The following PCDH15 variants were observed in gnomAD, a reference collection of about 807,000 sequenced individuals.
PCDH15 encodes the protein protocadherin related 15, also known as protocadherin-15.
In PCDH15, 129 loss-of-function variants were observed where a neutral mutation model predicts 178.5. That is an observed-to-expected ratio of 0.72 (90% CI 0.63 to 0.84). The LOEUF (loss-of-function observed/expected upper bound fraction) is 0.84. Among genes scored for constraint, PCDH15 ranks in the 40% least tolerant of loss-of-function variants. The pLI is 0.00. For synonymous variants in PCDH15, 800 were observed against 732.0 expected (o/e 1.09, Z -1.50); for missense variants, 2,230 against 2,099.9 (o/e 1.06, Z -1.21).
At chr10:54,569,793 C>T (rs1353468316) in intron 2 of PCDH15, among the ~76,000 whole-genome samples, 1 of 152,052 alleles carries the variant, frequency 6.6e-6, no homozygotes, top group Non-Finnish European at 1.5e-5. Context: ...AACAGTCTGT[C>T]CTATACATCA....
At chr10:53,815,326 C>T (rs1352908658) in intron 35 of PCDH15, among the ~76,000 whole-genome samples, 1 of 152,136 alleles carries the variant, frequency 6.6e-6, no homozygotes, top group Non-Finnish European at 1.5e-5. Flanking sequence ...AGTTGTTGAG[C>T]TAGGAACTTA....
intron 28 of PCDH15, among the ~76,000 whole-genome samples, chr10:53,842,346 T>G (rs1217850301): frequency 1.3e-5 from 2 of 152,064 alleles, no homozygotes; most frequent in East Asian, 3.9e-4. Flanking sequence ...AACCTCCACC[T>G]CCCGGGTTCA....
intron 2 of PCDH15, among the ~76,000 whole-genome samples, chr10:55,526,848 T>C (rs1008565728): frequency 1.3e-5 from 2 of 152,220 alleles, no homozygotes; most frequent in East Asian, 3.9e-4. Flanking sequence ...ACAAAAGCCA[T>C]ATCATTCAAA....
chr10:54,185,341 A>T (rs1194959279), intron 11 of PCDH15, 73 bp from the exon 12 acceptor site: 2 of 1,555,752 alleles, frequency 1.3e-6, no homozygotes, highest in Non-Finnish European at 1.8e-6. Context: ...CTAGAAGTTA[A>T]TGTTTGAAAT....
chr10:55,373,618 C>T (rs999136326), intron 2 of PCDH15, among the ~76,000 whole-genome samples: 1 of 151,840 alleles, frequency 6.6e-6, no homozygotes, highest in Non-Finnish European at 1.5e-5. Context: ...CATGTTAGTG[C>T]GAGATCAGAG....
chr10:54,621,877 G>A (rs1178440749), intron 2 of PCDH15, among the ~76,000 whole-genome samples: 3 of 152,046 alleles, frequency 2.0e-5, no homozygotes, highest in Non-Finnish European at 4.4e-5. Flanking sequence ...TTGTAAAGGG[G>A]AAGAAACATT....
rs573936335 is a variant in PCDH15, at chr10:55,077,009, C to T, written c.-80+89567G>A. On this transcript the variant is annotated intron_variant, in intron 2 of 5. Coordinates refer to the PCDH15 transcript ENST00000458638. ...GTCTCAAATTCCTAACCTCGTGATC[C>T]GCCCGCCTCAGCCTCCCAAAGTGCT... Among the ~76,000 whole-genome samples the T allele has an allele frequency of 3.2e-4, 49 of 151,882 alleles. 1 individual carries two copies. The South Asian group carries it at 6.4e-3, about 20-fold the overall frequency.
chr10:54,600,135 G>T, intron 2 of PCDH15: 1 of 786,950 alleles, frequency 1.3e-6, no homozygotes, highest in East Asian at 2.9e-5. Context: ...CAGAGAAGAA[G>T]AAAGCTGAGT....
At chr10:54,285,262 A>G (rs1434921818) in intron 8 of PCDH15, among the ~76,000 whole-genome samples, 4 of 152,006 alleles carry the variant, frequency 2.6e-5, no homozygotes, top group African/African-American at 7.2e-5. Context: ...AACAGAAAAA[A>G]AAAACAATCA....
At chr10:54,229,333 A>T (rs1026629523) in intron 9 of PCDH15, among the ~76,000 whole-genome samples, 1 of 152,256 alleles carries the variant, frequency 6.6e-6, no homozygotes, top group Non-Finnish European at 1.5e-5. Flanking sequence ...TGAAAATTTA[A>T]TGACTGATAA....
chr10:55,005,107 C>T lies in PCDH15; in HGVS notation c.-79-107607G>A, dbSNP rs115944479. ...ATGAATGGAGCGAGGGGTGATGGTA[C>T]GTTCCTGTAGTCCCAGCTACGTGAA... On this transcript the variant is annotated intron_variant, in intron 2 of 5. Coordinates refer to the PCDH15 transcript ENST00000458638. Among the ~76,000 whole-genome samples, 1,320 of 151,570 alleles carry T rather than the reference C, an allele frequency of 8.7e-3. 16 individuals carry two copies. Among genetic ancestry groups the T allele is most frequent in the African/African-American group, 0.03 (1,242 of 41,300 alleles).
chr10:54,053,933 A>T (rs908539368), intron 18 of PCDH15, among the ~76,000 whole-genome samples: 6 of 152,048 alleles, frequency 3.9e-5, no homozygotes, highest in African/African-American at 1.4e-4. Flanking sequence ...TGAGAGAGAG[A>T]ATGTGAGAAA....
intron 20 of PCDH15, among the ~76,000 whole-genome samples, chr10:54,001,311 G>A (rs549990745): frequency 6.6e-6 from 1 of 152,206 alleles, no homozygotes; most frequent in East Asian, 1.9e-4. Context: ...AACTGTGGTG[G>A]TGTATAAAAT....
intron 32 of PCDH15, 145 bp from the exon 33 acceptor site, chr10:53,820,375 G>A: frequency 5.1e-6 from 2 of 389,268 alleles, no homozygotes; most frequent in Non-Finnish European, 9.1e-6. Context: ...TCTGATCTTG[G>A]TAACTAGGAA....
chr10:54,564,698 A>G (rs1282663912), intron 2 of PCDH15, among the ~76,000 whole-genome samples: 1 of 152,132 alleles, frequency 6.6e-6, no homozygotes, highest in East Asian at 1.9e-4. Context: ...AATATTCCCT[A>G]CATCTTAGAG....
intron 15 of PCDH15, among the ~76,000 whole-genome samples, chr10:54,129,640 G>A (rs2042260595): frequency 6.6e-6 from 1 of 152,096 alleles, no homozygotes; most frequent in Non-Finnish European, 1.5e-5. Flanking sequence ...GTGCCTGACC[G>A]CATATTAAGT....
At chr10:55,524,198 A>G (rs1841250725) in intron 2 of PCDH15, among the ~76,000 whole-genome samples, 1 of 151,696 alleles carries the variant, frequency 6.6e-6, no homozygotes, top group Non-Finnish European at 1.5e-5. Context: ...AAGTATATAG[A>G]GTAAATAATT....
chr10:54,509,841 C>T (rs1460202517), intron 3 of PCDH15, among the ~76,000 whole-genome samples: 1 of 152,180 alleles, frequency 6.6e-6, no homozygotes, highest in Non-Finnish European at 1.5e-5. Context: ...TTGTTACCTA[C>T]TATTCATCAA....
chr10:55,255,468 C>T (rs916932933), intron 1 of PCDH15, among the ~76,000 whole-genome samples: 5 of 152,084 alleles, frequency 3.3e-5, no homozygotes, highest in African/African-American at 1.2e-4. Context: ...GTATATACCC[C>T]GTAATGGAAC....
Sources: gnomAD v4.1 joint callset for allele counts (sites outside exome capture counted in the v4.1 genomes callset) on GRCh38, gnomAD v4.1.1 for gene constraint, MANE v1.5 for transcripts, NCBI Gene and HGNC (gene_info 2026-07-23, HGNC 2026-07-21) for gene names.